MAGI1: variants seen among roughly 807,000 people sequenced by gnomAD.
MAGI1 encodes membrane-associated guanylate kinase, WW and PDZ domain-containing protein 1.
MAGI1 carries 58 observed loss-of-function variants against 139.9 expected under a neutral mutation model. That is an observed-to-expected ratio of 0.41 (90% CI 0.34 to 0.52). The LOEUF is 0.52. MAGI1 is among the 20% of genes least tolerant of loss of function. MAGI1 has a pLI of 0.12. For missense variants in MAGI1, 1,874 were observed against 1,901.6 expected (o/e 0.99, Z 0.27); for synonymous variants, 812 against 737.9 (o/e 1.10, Z -1.63).
At chr3:65,412,201 A>C (rs2107204717) in intron 12 of MAGI1, among the ~76,000 whole-genome samples, 1 of 152,258 alleles carries the variant, frequency 6.6e-6, no homozygotes, top group African/African-American at 2.4e-5. Flanking sequence ...TCCACTGCGG[A>C]ACTGCCTCCT....
chr3:65,700,460 A>G (rs757910607), intron 1 of MAGI1, among the ~76,000 whole-genome samples: 2 of 152,012 alleles, frequency 1.3e-5, no homozygotes, highest in African/African-American at 2.4e-5. Flanking sequence ...AAAATAAATA[A>G]ATAAATAAAT....
intron 2 of MAGI1, among the ~76,000 whole-genome samples, chr3:65,497,361 A>G (rs545993055): frequency 2.3e-4 from 35 of 152,298 alleles, no homozygotes; most frequent in Non-Finnish European, 4.0e-4. Context: ...GATAGGAGCA[A>G]AGGAGGAGGG....
At chr3:65,830,436 T>G (rs1454425388) in intron 1 of MAGI1, among the ~76,000 whole-genome samples, 6 of 152,062 alleles carry the variant, frequency 3.9e-5, no homozygotes, top group Admixed American at 3.9e-4. Context: ...AACCAACCAA[T>G]GATTGGTTCA....
intron 1 of MAGI1, among the ~76,000 whole-genome samples, chr3:65,734,987 C>G (rs1214451058): frequency 6.6e-6 from 1 of 151,994 alleles, no homozygotes; most frequent in Non-Finnish European, 1.5e-5. Context: ...AAAAGCTTCT[C>G]TCTATTAAAA....
Position 65,379,280 on chromosome 3 carries a change from G to T in MAGI1, c.2976C>A (p.Pro992=). The T allele has an allele frequency of 6.2e-7, 1 of 1,612,572 alleles. No homozygotes were observed. The highest frequency in any genetic ancestry group is 2.2e-5 in the East Asian group (1 of 44,790). Residue 992 remains proline, a synonymous_variant, in exon 17 of 23, where the codon CCC becomes CCA. Transcript: ENST00000402939. ...ACTCACCAAAGGTCGTGCCTGCTTC[G>T]GGCCTGCTCACCGAGGACACGATGA... ...GFVIVSSVSR[P]EAGTTFGNAC... is the part of the protein sequence containing the mutation.
chr3:65,914,835 A>C (rs2061825426), intron 1 of MAGI1, among the ~76,000 whole-genome samples: 1 of 152,196 alleles, frequency 6.6e-6, no homozygotes, highest in South Asian at 2.1e-4. Context: ...TGCTTAGAGT[A>C]ACCTGCTGCA....
At chr3:65,684,521 G>A (rs2087853014) in intron 1 of MAGI1, among the ~76,000 whole-genome samples, 1 of 152,150 alleles carries the variant, frequency 6.6e-6, no homozygotes, top group South Asian at 2.1e-4. Flanking sequence ...GGGAGCCAGG[G>A]GAGAGATGGG....
At chr3:65,591,700 C>T (rs1276372723) in intron 2 of MAGI1, among the ~76,000 whole-genome samples, 1 of 152,152 alleles carries the variant, frequency 6.6e-6, no homozygotes, top group Non-Finnish European at 1.5e-5. Context: ...GACCTCTCCT[C>T]CCATAGTTCT....
chr3:65,563,557 C>T (rs1473126826), intron 2 of MAGI1, among the ~76,000 whole-genome samples: 1 of 152,130 alleles, frequency 6.6e-6, no homozygotes, highest in Non-Finnish European at 1.5e-5. Flanking sequence ...TCAAACAACC[C>T]TAGGGAGAAG....
At chr3:65,656,646 G>A (rs568574502) in intron 1 of MAGI1, among the ~76,000 whole-genome samples, 18 of 152,100 alleles carry the variant, frequency 1.2e-4, no homozygotes, top group Admixed American at 2.6e-4. Flanking sequence ...ACAAAGATGG[G>A]AATAAAGGAT....
intron 1 of MAGI1, among the ~76,000 whole-genome samples, chr3:65,776,191 A>T (rs1344420094): frequency 6.6e-6 from 1 of 150,988 alleles, no homozygotes; most frequent in African/African-American, 2.4e-5. Context: ...TTAAAAATCA[A>T]TGTAGCATTC....
intron 1 of MAGI1, among the ~76,000 whole-genome samples, chr3:65,684,146 C>T (rs1467627757): frequency 1.4e-5 from 2 of 142,598 alleles, no homozygotes; most frequent in East Asian, 4.0e-4. Context: ...TGGATTCCAG[C>T]CTGAGCAACA....
At chr3:65,764,415 C>T (rs2037304384) in intron 1 of MAGI1, among the ~76,000 whole-genome samples, 1 of 152,178 alleles carries the variant, frequency 6.6e-6, no homozygotes, top group African/African-American at 2.4e-5. Context: ...GGATGTCTAG[C>T]TCTGACATTG....
At chr3:65,556,675 T>C (rs991211958) in intron 2 of MAGI1, among the ~76,000 whole-genome samples, 2 of 152,234 alleles carry the variant, frequency 1.3e-5, no homozygotes, top group African/African-American at 4.8e-5. Context: ...TAGACTACTA[T>C]AATAGCTTTC....
At chr3:65,936,466 C>T (rs1317659207) in intron 1 of MAGI1, among the ~76,000 whole-genome samples, 4 of 151,902 alleles carry the variant, frequency 2.6e-5, no homozygotes, top group Non-Finnish European at 4.4e-5. Context: ...GGCGAAACCC[C>T]GTCTCTACTA....
chr3:65,412,936 A>G (rs982571310), intron 12 of MAGI1, among the ~76,000 whole-genome samples: 1 of 152,160 alleles, frequency 6.6e-6, no homozygotes, highest in South Asian at 2.1e-4. Flanking sequence ...CAGCAAATGG[A>G]TATGTTCTCA....
chr3:65,438,865 T>C (rs1948034022), intron 9 of MAGI1, among the ~76,000 whole-genome samples: 1 of 152,234 alleles, frequency 6.6e-6, no homozygotes. Flanking sequence ...CATACTACAA[T>C]GGCTGAGGTG....
At chr3:65,646,407 C>T (rs1239704968) in intron 1 of MAGI1, among the ~76,000 whole-genome samples, 1 of 151,912 alleles carries the variant, frequency 6.6e-6, no homozygotes, top group Admixed American at 6.6e-5. Flanking sequence ...AATGCAATAA[C>T]TGATAGAACA....
At chr3:65,824,277 A>C (rs1487781179) in intron 1 of MAGI1, among the ~76,000 whole-genome samples, 1 of 152,162 alleles carries the variant, frequency 6.6e-6, no homozygotes. Context: ...GGACGGATGT[A>C]AATAATGGCC....
Sources: gnomAD v4.1 joint callset for allele counts (sites outside exome capture counted in the v4.1 genomes callset) on GRCh38, gnomAD v4.1.1 for gene constraint, MANE v1.5 for transcripts, NCBI Gene and HGNC (gene_info 2026-07-23, HGNC 2026-07-21) for gene names.